LRRC20: variants seen among roughly 807,000 people sequenced by gnomAD.
LRRC20 encodes leucine rich repeat containing 20.
A neutral mutation model predicts 14.4 loss-of-function variants in LRRC20; 11 were observed. The observed-to-expected ratio is 0.77, with a 90% CI of 0.48 to 1.27. LRRC20 has a LOEUF of 1.27. Among genes scored for constraint, LRRC20 ranks in the 50% most tolerant of loss-of-function variants. The probability of loss-of-function intolerance (pLI) is 0.00; values close to 1 mark genes in which losing one functional copy is unlikely to be tolerated. For synonymous variants in LRRC20, 121 were observed against 107.3 expected, an observed-to-expected ratio of 1.13 and a Z score of -0.79; for missense variants, 219 against 251.2, an observed-to-expected ratio of 0.87 and a Z score of 0.87.
chr10:70,364,729 G>A (rs1282755057), intron 2 of LRRC20, among the ~76,000 whole-genome samples: 2 of 152,190 alleles, frequency 1.3e-5, no homozygotes, highest in Non-Finnish European at 2.9e-5. Context: ...CAGCCAAAGC[G>A]CAGGTGGGCC....
chr10:70,364,804 C>T (rs1843909721), intron 2 of LRRC20, among the ~76,000 whole-genome samples: 1 of 152,194 alleles, frequency 6.6e-6, no homozygotes, highest in Non-Finnish European at 1.5e-5. Context: ...GATTCCACAG[C>T]TCCCAGCCTA....
intron 1 of LRRC20, among the ~76,000 whole-genome samples, chr10:70,377,167 A>C (rs1844541636): frequency 6.6e-6 from 1 of 152,194 alleles, no homozygotes; most frequent in African/African-American, 2.4e-5. Flanking sequence ...GTGGTCTCTA[A>C]GAATTCCTTT....
At chr10:70,373,825 C>T (rs979926699) in intron 2 of LRRC20, among the ~76,000 whole-genome samples, 4 of 152,190 alleles carry the variant, frequency 2.6e-5, no homozygotes, top group African/African-American at 4.8e-5. Flanking sequence ...GGTTCCAATC[C>T]CAGGCATGGC....
intron 4 of LRRC20, among the ~76,000 whole-genome samples, chr10:70,318,736 A>G (rs1289600976): frequency 4.9e-5 from 7 of 143,890 alleles, no homozygotes; most frequent in Non-Finnish European, 9.1e-5. Context: ...CCTGTGTGAG[A>G]GATCGAGACC....
Position 70,366,294 on chromosome 10 carries a change from G to C in LRRC20, c.82+10158C>G, listed in dbSNP as rs530902646. 3.3e-5 allele frequency among the ~76,000 whole-genome samples: 5 copies of C among 151,400 alleles called. No homozygotes were observed. In the South Asian group the frequency reaches 1.0e-3, roughly 32 times the overall value. On this transcript the variant is annotated intron_variant, in intron 2 of 4. Coordinates refer to ENST00000446961, the MANE Select transcript of LRRC20 (RefSeq NM_001278212.2). Reference sequence around the variant, plus strand: ...AAAAATTAACCAGGCATGGTGGCAGGCGCCTGTAATCCCAGCTGCTCGGGA... The same window carrying C: ...AAAAATTAACCAGGCATGGTGGCAGCCGCCTGTAATCCCAGCTGCTCGGGA...
In LRRC20 at chr10:70,345,267, A is replaced by T. The variant is rs148092519; in HGVS notation, c.83-4565T>A. ...AGGGAAGGATTAATCAACTGATGTC[A>T]GAATAACCCCTTAACAATTCTGAGA... On this transcript the variant is annotated intron_variant, in intron 2 of 4. Transcript: ENST00000446961. 3.0e-3 allele frequency among the ~76,000 whole-genome samples: 462 copies of T among 152,326 alleles called. 11 individuals are homozygous for T. The South Asian group carries it at 0.055, about 18-fold the overall frequency.
chr10:70,336,840 G>A (rs1315884209), intron 3 of LRRC20, among the ~76,000 whole-genome samples: 1 of 152,146 alleles, frequency 6.6e-6, no homozygotes, highest in Admixed American at 6.6e-5. Flanking sequence ...GCAGTCCCAG[G>A]ACACACTCAC....
intron 4 of LRRC20, among the ~76,000 whole-genome samples, chr10:70,319,510 G>A (rs1216078058): frequency 6.6e-6 from 1 of 152,068 alleles, no homozygotes; most frequent in African/African-American, 2.4e-5. Flanking sequence ...ACAAGGACAC[G>A]AGGACAGCCA....
intron 2 of LRRC20, among the ~76,000 whole-genome samples, chr10:70,373,762 A>G (rs1215631877): frequency 6.6e-6 from 1 of 152,042 alleles, no homozygotes; most frequent in Admixed American, 6.6e-5. Flanking sequence ...ATGTGCCCCC[A>G]CCCCAGGGCT....
chr10:70,307,516 T>C (rs894728434), intron 4 of LRRC20, among the ~76,000 whole-genome samples: 1 of 152,242 alleles, frequency 6.6e-6, no homozygotes, highest in African/African-American at 2.4e-5. Flanking sequence ...TTCCTGGAGA[T>C]GTTCTCAAAT....
intron 2 of LRRC20, among the ~76,000 whole-genome samples, chr10:70,356,778 G>A (rs1843542876): frequency 6.6e-6 from 1 of 151,792 alleles, no homozygotes; most frequent in Admixed American, 6.6e-5. Context: ...TTGAACCCAG[G>A]AGGCGGAGGT....
intron 4 of LRRC20, among the ~76,000 whole-genome samples, chr10:70,303,723 G>A (rs1164212816): frequency 6.6e-6 from 1 of 152,220 alleles, no homozygotes; most frequent in African/African-American, 2.4e-5. Context: ...TAGTGTCATA[G>A]ACATGAAATT....
At chr10:70,329,120 A>T (rs1476999347) in intron 3 of LRRC20, among the ~76,000 whole-genome samples, 1 of 152,174 alleles carries the variant, frequency 6.6e-6, no homozygotes, top group African/African-American at 2.4e-5. Context: ...ATTACTCAGC[A>T]CCTACCACAG....
At chr10:70,355,551 C>T (rs988432811) in intron 2 of LRRC20, among the ~76,000 whole-genome samples, 12 of 152,138 alleles carry the variant, frequency 7.9e-5, no homozygotes, top group Non-Finnish European at 4.4e-5. Context: ...CGGGAAGGCG[C>T]GTCTTCTGAG....
At chr10:70,377,634 T>G (rs963161108) in intron 1 of LRRC20, among the ~76,000 whole-genome samples, 2 of 152,078 alleles carry the variant, frequency 1.3e-5, no homozygotes, top group Admixed American at 1.3e-4. Flanking sequence ...GAAGCTCCAG[T>G]GAACTCACTC....
intron 3 of LRRC20, 132 bp downstream of exon 3, chr10:70,340,421 G>T: frequency 1.8e-6 from 2 of 1,087,090 alleles, no homozygotes; most frequent in Non-Finnish European, 2.7e-6. Flanking sequence ...CATTTTCAAA[G>T]TCAACCCATG....
At chr10:70,344,096 G>C (rs1297964240) in intron 2 of LRRC20, among the ~76,000 whole-genome samples, 2 of 152,066 alleles carry the variant, frequency 1.3e-5, no homozygotes, top group Non-Finnish European at 2.9e-5. Context: ...AGATACTTGG[G>C]GGTTGAAGTG....
At chr10:70,313,213 C>T (rs1841735444) in intron 4 of LRRC20, among the ~76,000 whole-genome samples, 1 of 152,238 alleles carries the variant, frequency 6.6e-6, no homozygotes, top group Non-Finnish European at 1.5e-5. Flanking sequence ...TCCCCGCCCT[C>T]TGCACCCTCC....
intron 3 of LRRC20, among the ~76,000 whole-genome samples, chr10:70,330,966 C>T (rs1031429881): frequency 2.0e-5 from 3 of 152,214 alleles, no homozygotes; most frequent in East Asian, 1.9e-4. Context: ...GACCCGGGGA[C>T]CCTGAACTGA....
Sources: allele counts gnomAD v4.1 joint callset (sites outside exome capture counted in the v4.1 genomes callset), GRCh38; gene constraint gnomAD v4.1.1; transcripts MANE v1.5; gene names NCBI Gene and HGNC (gene_info 2026-07-23, HGNC 2026-07-21).